PHF24: variants seen among roughly 807,000 people sequenced by gnomAD.
PHF24 encodes Galpha inhibitory interacting protein.
In PHF24, 25 loss-of-function variants were observed where a neutral mutation model predicts 42.6. That is an observed-to-expected ratio of 0.59 (90% CI 0.43 to 0.82). The LOEUF (loss-of-function observed/expected upper bound fraction) is 0.82, where lower values mean the gene tolerates loss of function less well. Ranked by LOEUF, PHF24 falls within the 40% of genes least tolerant of loss-of-function variation. The pLI, the probability that PHF24 is intolerant of heterozygous loss-of-function variation, is 0.00. For synonymous variants in PHF24, 185 were observed against 204.8 expected (o/e 0.90, Z 0.83); for missense variants, 470 against 538.1 (o/e 0.87, Z 1.25).
At chr9:34,935,220 C>T in the PHF24 span, among the ~76,000 whole-genome samples, 1 of 152,096 alleles carries the variant, frequency 6.6e-6, no homozygotes, top group Admixed American at 6.5e-5. Context: ...AACTTGAAGG[C>T]CACTGGGGAC....
At chr9:34,824,852 C>T in the PHF24 span, among the ~76,000 whole-genome samples, 2 of 152,158 alleles carry the variant, frequency 1.3e-5, no homozygotes, top group Non-Finnish European at 2.9e-5. Flanking sequence ...GAGGGCGGAT[C>T]AGTTTTCTAT....
chr9:34,926,161 A>G, the PHF24 span, among the ~76,000 whole-genome samples: 1 of 152,190 alleles, frequency 6.6e-6, no homozygotes, highest in African/African-American at 2.4e-5. The surrounding 1 kb of genome is among the most constrained non-coding windows in gnomAD (Gnocchi z 4.3). Flanking sequence ...CCTGTTTCTC[A>G]GGTCAGAGGC....
the PHF24 span, among the ~76,000 whole-genome samples, chr9:34,943,542 A>G: frequency 6.6e-6 from 1 of 152,196 alleles, no homozygotes; most frequent in Non-Finnish European, 1.5e-5. Context: ...CTAAGTATCA[A>G]TATCAACTCA....
chr9:34,669,710 C>T, the PHF24 span, among the ~76,000 whole-genome samples: 1 of 152,068 alleles, frequency 6.6e-6, no homozygotes. Context: ...TCAGAAACTT[C>T]CTTCCCTAAT....
the PHF24 span, among the ~76,000 whole-genome samples, chr9:34,789,863 G>A: frequency 6.6e-6 from 1 of 152,130 alleles, no homozygotes; most frequent in Non-Finnish European, 1.5e-5. Flanking sequence ...TTGGTTTTGT[G>A]ACAGACAGGG....
At chr9:34,691,876 C>T in the PHF24 span, among the ~76,000 whole-genome samples, 1 of 152,196 alleles carries the variant, frequency 6.6e-6, no homozygotes, top group Non-Finnish European at 1.5e-5. Context: ...CCTCCCCTTC[C>T]TCTATTTACT....
chr9:34,839,345 T>G, the PHF24 span, among the ~76,000 whole-genome samples: 2 of 152,202 alleles, frequency 1.3e-5, no homozygotes, highest in African/African-American at 4.8e-5. Flanking sequence ...CTGGATGTAT[T>G]CTGTTTGCCT....
the PHF24 span, among the ~76,000 whole-genome samples, chr9:34,674,145 G>A: frequency 6.6e-6 from 1 of 152,210 alleles, no homozygotes; most frequent in Non-Finnish European, 1.5e-5. Context: ...AAAGCCCTCA[G>A]TAAAAATGAC....
At chr9:34,767,147 C>G in the PHF24 span, among the ~76,000 whole-genome samples, 1 of 152,342 alleles carries the variant, frequency 6.6e-6, no homozygotes, top group East Asian at 1.9e-4. Flanking sequence ...GCTCGGGGGT[C>G]AGGGGTCAGG....
the PHF24 span, among the ~76,000 whole-genome samples, chr9:34,716,257 G>A: frequency 6.6e-6 from 1 of 152,224 alleles, no homozygotes; most frequent in East Asian, 1.9e-4. Flanking sequence ...CCAAGGGTTA[G>A]GGTTAGAGTT....
the PHF24 span, among the ~76,000 whole-genome samples, chr9:34,761,359 A>G: frequency 6.6e-6 from 1 of 152,234 alleles, no homozygotes; most frequent in African/African-American, 2.4e-5. Context: ...CATCCAACAA[A>G]TTTTGAGCCC....
chr9:34,888,401 C>T, the PHF24 span, among the ~76,000 whole-genome samples: 3 of 152,292 alleles, frequency 2.0e-5, no homozygotes, highest in East Asian at 5.8e-4. Context: ...GAATGCAAGA[C>T]TCAGCCCAAA....
chr9:34,690,975 G>A, the PHF24 span: 6 of 872,008 alleles, frequency 6.9e-6, no homozygotes, highest in Non-Finnish European at 1.1e-5. Context: ...ACAGACCTAA[G>A]CATTTGCCTG....
the PHF24 span, among the ~76,000 whole-genome samples, chr9:34,744,749 G>T: frequency 6.6e-6 from 1 of 152,090 alleles, no homozygotes; most frequent in African/African-American, 2.4e-5. Flanking sequence ...AATGTGTCAG[G>T]GTGTAAAAAA....
At chr9:34,877,705 G>A in the PHF24 span, among the ~76,000 whole-genome samples, 1 of 151,800 alleles carries the variant, frequency 6.6e-6, no homozygotes, top group African/African-American at 2.4e-5. Context: ...AGGGAGAGAG[G>A]GACTGAATAG....
At chr9:34,904,260 G>T in the PHF24 span, among the ~76,000 whole-genome samples, 1 of 152,140 alleles carries the variant, frequency 6.6e-6, no homozygotes, top group Non-Finnish European at 1.5e-5. Context: ...CCAGTACTAT[G>T]TTGAAGAGGA....
chr9:34,774,136 A>G, the PHF24 span, among the ~76,000 whole-genome samples: 11 of 152,092 alleles, frequency 7.2e-5, no homozygotes, highest in Non-Finnish European at 1.3e-4. Context: ...GCTAAATAAG[A>G]CTCTTGGCAG....
the PHF24 span, among the ~76,000 whole-genome samples, chr9:34,717,625 T>C: frequency 2.6e-5 from 4 of 152,266 alleles, no homozygotes; most frequent in African/African-American, 9.6e-5. Flanking sequence ...AAACCAAAGC[T>C]ATCCTATTAA....
the PHF24 span, among the ~76,000 whole-genome samples, chr9:34,767,841 A>G: frequency 6.6e-6 from 1 of 152,236 alleles, no homozygotes; most frequent in Admixed American, 6.5e-5. Context: ...CTATTCGGCC[A>G]TCTTGGCTGC....
Sources: allele counts gnomAD v4.1 joint callset (sites outside exome capture counted in the v4.1 genomes callset), GRCh38; gene constraint gnomAD v4.1.1; non-coding constraint Gnocchi (gnomAD v3.1); transcripts MANE v1.5; gene names NCBI Gene and HGNC (gene_info 2026-07-23, HGNC 2026-07-21).